The following PHLDB2 variants were observed in gnomAD, a reference collection of about 807,000 sequenced individuals.
PHLDB2 encodes pleckstrin homology like domain family B member 2.
In PHLDB2, 71 loss-of-function variants were observed where a neutral mutation model predicts 123.6. The ratio of observed to expected loss-of-function variants is 0.57; its 90% CI spans 0.47 to 0.70. PHLDB2 has a LOEUF of 0.70. PHLDB2 is among the 30% of genes least tolerant of loss of function. The pLI, the probability that PHLDB2 is intolerant of heterozygous loss-of-function variation, is 0.00. For synonymous variants in PHLDB2, 547 were observed against 541.6 expected (o/e 1.01, Z -0.14); for missense variants, 1,446 against 1,519.5 (o/e 0.95, Z 0.80).
At chr3:111,962,058 C>G (rs376699011) in intron 12 of PHLDB2, 50 bp from the exon 13 acceptor site, 5 of 1,534,968 alleles carry the variant, frequency 3.3e-6, no homozygotes, top group African/African-American at 2.8e-5. Context: ...GTTTAAGATT[C>G]AAAGACTGAA....
chr3:111,807,910 C>A, intron 1 of PHLDB2, among the ~76,000 whole-genome samples: 1 of 147,634 alleles, frequency 6.8e-6, no homozygotes, highest in East Asian at 2.0e-4. Context: ...TGCTTTATTT[C>A]TTTGATAAGA....
At chr3:111,779,972 G>C in intron 1 of PHLDB2, 6 of 625,734 alleles carry the variant, frequency 9.6e-6, no homozygotes, top group Non-Finnish European at 1.2e-5. Context: ...GGAGAGTCGA[G>C]GACTCTGACA....
intron 1 of PHLDB2, among the ~76,000 whole-genome samples, chr3:111,844,126 C>G (rs1297126378): frequency 6.6e-6 from 1 of 152,142 alleles, no homozygotes; most frequent in Admixed American, 6.5e-5. Context: ...TGACCTCATC[C>G]TCTCTCTATT....
chr3:111,945,177 A>C (rs2070214652), intron 8 of PHLDB2, 91 bp from the exon 9 acceptor site: 2 of 840,766 alleles, frequency 2.4e-6, no homozygotes, highest in East Asian at 4.9e-5. Context: ...ATATGTGAGA[A>C]TCTGATGTTA....
At chr3:111,748,880 T>G (rs141650555) in intron 1 of PHLDB2, among the ~76,000 whole-genome samples, 133 of 152,196 alleles carry the variant, frequency 8.7e-4, no homozygotes, top group African/African-American at 3.2e-3. Context: ...TTATGCTACA[T>G]TAGTTATATT....
intron 7 of PHLDB2, among the ~76,000 whole-genome samples, chr3:111,940,148 T>C (rs543689756): frequency 1.3e-5 from 2 of 152,246 alleles, no homozygotes; most frequent in East Asian, 1.9e-4. Context: ...ACCAATAAAA[T>C]TGAGGAAAGG....
At chr3:111,834,703 T>C (rs2063321205) in intron 1 of PHLDB2, among the ~76,000 whole-genome samples, 1 of 152,064 alleles carries the variant, frequency 6.6e-6, no homozygotes, top group South Asian at 2.1e-4. Context: ...TGCCAAATTA[T>C]TGAGACCAAT....
chr3:111,961,600 G>A (rs2071415988), intron 12 of PHLDB2, among the ~76,000 whole-genome samples: 1 of 152,196 alleles, frequency 6.6e-6, no homozygotes, highest in South Asian at 2.1e-4. Context: ...AAGATTAAAA[G>A]TGTCAGTGAT....
At chr3:111,822,428 T>G (rs970302841) in intron 1 of PHLDB2, among the ~76,000 whole-genome samples, 3 of 151,908 alleles carry the variant, frequency 2.0e-5, no homozygotes, top group Admixed American at 6.6e-5. Context: ...CCTCTTAGAC[T>G]CCTCTCAATT....
At chr3:111,746,609 C>A (rs763012793) in intron 1 of PHLDB2, among the ~76,000 whole-genome samples, 2 of 152,060 alleles carry the variant, frequency 1.3e-5, no homozygotes, top group Non-Finnish European at 2.9e-5. Flanking sequence ...CAAAAAACTT[C>A]TAAAAATTAG....
intron 1 of PHLDB2, among the ~76,000 whole-genome samples, chr3:111,866,475 G>T (rs56105878): frequency 6.6e-6 from 1 of 152,070 alleles, no homozygotes; most frequent in South Asian, 2.1e-4. Context: ...CAAGTATTTA[G>T]GTCTGGGGAA....
rs1175134249 is a variant in PHLDB2 at position 111,829,392 on chromosome 3, T to C, written c.-48-16429T>C. On this transcript the variant is annotated intron_variant, in intron 1 of 17. Coordinates refer to the PHLDB2 transcript ENST00000393923. ...CCATCCTGGATTCCTGGTTCTTCCA[T>C]TATTCTTTTGTTTAAAAAAAAAAAA... Among the ~76,000 whole-genome samples, 4 of 114,762 alleles carry C rather than the reference T, an allele frequency of 3.5e-5. No homozygotes were observed. The East Asian group carries it at 1.0e-3, about 29-fold the overall frequency. 75.3% of individuals were successfully genotyped at this position (114,762 alleles called of 152,430 possible).
rs566879783 is a variant in PHLDB2, at chr3:111,845,312, G to A, written c.-48-509G>A. Among the ~76,000 whole-genome samples the A allele has an allele frequency of 1.1e-4, 13 of 115,718 alleles. 1 individual carries two copies. The South Asian group carries it at 1.2e-3, about 11-fold the overall frequency. The allele number at this position is 115,718 out of a possible 152,430, so 75.9% of individuals were successfully genotyped here. On this transcript the variant is annotated intron_variant, in intron 1 of 17. Transcript: ENST00000393923. The stretch of plus-strand genomic sequence containing the variant: ...GGAGGTTGCAGTGAGCCAAGATCAC[G>A]CCACTGCACTCCAGCCTGGGTGACA...
intron 2 of PHLDB2, among the ~76,000 whole-genome samples, chr3:111,889,268 T>G (rs191028235): frequency 7.6e-4 from 116 of 152,354 alleles, no homozygotes; most frequent in African/African-American, 2.6e-3. Context: ...TGTGTAGCTG[T>G]TTTGTTGTTG....
intron 13 of PHLDB2, among the ~76,000 whole-genome samples, chr3:111,962,584 T>C (rs2071470991): frequency 6.6e-6 from 1 of 152,208 alleles, no homozygotes; most frequent in Admixed American, 6.5e-5. Flanking sequence ...TGCTTTAAAA[T>C]TGATTTCCTT....
At chr3:111,899,707 G>A (rs1442641089) in intron 2 of PHLDB2, among the ~76,000 whole-genome samples, 1 of 152,230 alleles carries the variant, frequency 6.6e-6, no homozygotes, top group Non-Finnish European at 1.5e-5. Context: ...AAGATTTGAA[G>A]CCAGGCATTG....
At chr3:111,756,550 G>A (rs886240891) in intron 1 of PHLDB2, among the ~76,000 whole-genome samples, 6 of 152,254 alleles carry the variant, frequency 3.9e-5, no homozygotes, top group African/African-American at 9.6e-5. Flanking sequence ...GTCTCTGCAC[G>A]TGAGATGGAT....
intron 2 of PHLDB2, among the ~76,000 whole-genome samples, chr3:111,902,811 G>T (rs1193656992): frequency 1.3e-5 from 2 of 152,004 alleles, no homozygotes; most frequent in Non-Finnish European, 2.9e-5. Context: ...GCTAATTTTT[G>T]TATTTTCTGT....
At chr3:111,923,982 G>A (rs1027567) in intron 5 of PHLDB2, among the ~76,000 whole-genome samples, 3,389 of 152,234 alleles carry the variant, frequency 0.022, 126 homozygotes, top group African/African-American at 0.077. Flanking sequence ...TCCGTAGTGT[G>A]ATCTGTCACC....
Sources: gnomAD v4.1 joint callset for allele counts (sites outside exome capture counted in the v4.1 genomes callset) on GRCh38, gnomAD v4.1.1 for gene constraint, MANE v1.5 for transcripts, NCBI Gene and HGNC (gene_info 2026-07-23, HGNC 2026-07-21) for gene names.